The following MKLN1 variants were observed in gnomAD, a reference collection of about 807,000 sequenced individuals.
MKLN1 encodes muskelin 1, also known as muskelin.
Under a neutral mutation model 99.0 loss-of-function variants are expected in MKLN1, and 18 were observed. That is an observed-to-expected ratio of 0.18 (90% CI 0.13 to 0.27). MKLN1 has a LOEUF of 0.27. Ranked by LOEUF, MKLN1 falls within the 10% of genes least tolerant of loss-of-function variation. The pLI is 1.00. For missense variants in MKLN1, 621 were observed against 875.9 expected (o/e 0.71, Z 3.67); for synonymous variants, 288 against 293.2 (o/e 0.98, Z 0.18).
chr7:131,426,760 A>C (rs961800650), intron 8 of MKLN1, among the ~76,000 whole-genome samples: 1 of 149,856 alleles, frequency 6.7e-6, no homozygotes, highest in African/African-American at 2.5e-5. Flanking sequence ...TTTTCATGTA[A>C]CTTTTTTTTT....
chr7:131,303,086 A>C (rs554720424), intron 3 of MKLN1, among the ~76,000 whole-genome samples: 1 of 152,170 alleles, frequency 6.6e-6, no homozygotes, highest in South Asian at 2.1e-4. Flanking sequence ...CACAGCCCAG[A>C]CCAAAGTGTT....
intron 6 of MKLN1, among the ~76,000 whole-genome samples, chr7:131,408,331 CTTTT>C (rs1794769739): frequency 6.6e-6 from 1 of 151,986 alleles, no homozygotes; most frequent in African/African-American, 2.4e-5. Flanking sequence ...CTTAAAAATT[CTTTT>C]TGATCTAATC....
chr7:131,421,316 T>A (rs1225602166), intron 8 of MKLN1, among the ~76,000 whole-genome samples: 1 of 152,208 alleles, frequency 6.6e-6, no homozygotes, highest in Non-Finnish European at 1.5e-5. Context: ...GCCCTGTTAT[T>A]GATCAGCAGT....
At chr7:131,275,534 GATATATATATAT>G (rs1166104066) in intron 3 of MKLN1, among the ~76,000 whole-genome samples, 2 of 14,270 alleles carry the variant, frequency 1.4e-4, no homozygotes, top group Non-Finnish European at 3.6e-4. Flanking sequence ...ACGCCCAGCT[GATATATATATAT>G]ATATATATAT....
intron 3 of MKLN1, among the ~76,000 whole-genome samples, chr7:131,322,557 C>CT (rs574246814): frequency 9.0e-3 from 857 of 95,064 alleles, no homozygotes; most frequent in Middle Eastern, 0.018. Flanking sequence ...CTGCCAAACA[C>CT]TTTTTTTTTT....
intron 15 of MKLN1, 112 bp from the exon 16 acceptor site, chr7:131,470,729 AT>A (rs1796795671): frequency 1.4e-6 from 1 of 707,890 alleles, no homozygotes; most frequent in Non-Finnish European, 2.4e-6. Flanking sequence ...TTTTCTAAAT[AT>A]CCAGAACAAC....
chr7:131,117,629 A>G (rs1183855329), intron 1 of MKLN1, among the ~76,000 whole-genome samples: 2 of 152,240 alleles, frequency 1.3e-5, no homozygotes, highest in Admixed American at 6.5e-5. Flanking sequence ...ATTTCTTTTT[A>G]AAAGACAGTT....
chr7:131,462,890 G>T (rs1470028726), intron 12 of MKLN1, among the ~76,000 whole-genome samples: 1 of 152,166 alleles, frequency 6.6e-6, no homozygotes, highest in South Asian at 2.1e-4. Context: ...GGGAAGATGA[G>T]GCAGGAATAT....
At chr7:131,164,369 C>T (rs190067295) in intron 2 of MKLN1, among the ~76,000 whole-genome samples, 1 of 152,292 alleles carries the variant, frequency 6.6e-6, no homozygotes, top group Non-Finnish European at 1.5e-5. Context: ...CCTGCCTTGG[C>T]CTCCCAAAGT....
intron 11 of MKLN1, among the ~76,000 whole-genome samples, chr7:131,444,728 AGTAGTAGTAG>A (rs1795945752): frequency 3.6e-4 from 12 of 33,724 alleles, no homozygotes; most frequent in African/African-American, 1.2e-3. Flanking sequence ...GAGTAGTAGT[AGTAGTAGTAG>A]TAGTAGTAGT....
chr7:131,321,560 C>A (rs115771694), intron 3 of MKLN1, among the ~76,000 whole-genome samples: 2,607 of 152,216 alleles, frequency 0.017, 55 homozygotes, highest in African/African-American at 0.057. Flanking sequence ...ACATTCTGCA[C>A]ATGTATCGCA....
At chr7:131,460,163 C>T (rs754020480) in intron 12 of MKLN1, among the ~76,000 whole-genome samples, 7 of 152,150 alleles carry the variant, frequency 4.6e-5, no homozygotes, top group Non-Finnish European at 1.0e-4. Context: ...CAAGGATACT[C>T]ATAGGGTTTT....
chr7:131,421,598 A>G (rs1044013321), intron 8 of MKLN1, among the ~76,000 whole-genome samples: 1 of 152,168 alleles, frequency 6.6e-6, no homozygotes, highest in Non-Finnish European at 1.5e-5. Context: ...GAAATAATGT[A>G]TTTTGTATGT....
At position 131,269,894 on chromosome 7, in the gene MKLN1, CTT is replaced by C. The variant is rs1160357860; in HGVS notation, c.-179+66923_-179+66924del. Among the ~76,000 whole-genome samples, 7 of 150,890 alleles carry C rather than the reference CTT, an allele frequency of 4.6e-5. No homozygotes were observed. In the East Asian group the frequency reaches 1.4e-3, roughly 29 times the overall value. On this transcript the variant is annotated intron_variant, in intron 3 of 7. Coordinates refer to the MKLN1 transcript ENST00000416992. The stretch of plus-strand genomic sequence containing the variant: ...GCCATTTTTCTAGTTATGGAGGTAA[CTT>C]TTCTTTTCTTTTTCTTTTTATTTTA...
chr7:131,397,702 C>T (rs556687445), intron 5 of MKLN1, among the ~76,000 whole-genome samples: 4 of 152,140 alleles, frequency 2.6e-5, no homozygotes, highest in Non-Finnish European at 5.9e-5. Flanking sequence ...TTTGGCTCCA[C>T]AGTCTGCTTT....
At chr7:131,448,884 C>G (rs1796096784) in intron 12 of MKLN1, among the ~76,000 whole-genome samples, 1 of 152,220 alleles carries the variant, frequency 6.6e-6, no homozygotes, top group South Asian at 2.1e-4. Flanking sequence ...CTTCCTCCTT[C>G]CCTCCCCACT....
chr7:131,151,696 A>T (rs1159780500), intron 2 of MKLN1, among the ~76,000 whole-genome samples: 2 of 152,226 alleles, frequency 1.3e-5, no homozygotes, highest in Non-Finnish European at 2.9e-5. Context: ...GTATAAAAAT[A>T]TAGAATACAG....
intron 8 of MKLN1, among the ~76,000 whole-genome samples, chr7:131,422,220 C>G (rs895287328): frequency 2.0e-5 from 3 of 152,148 alleles, no homozygotes; most frequent in African/African-American, 7.2e-5. Flanking sequence ...TCTGTGGCTT[C>G]AGATAATCAA....
rs1584904562 is a variant in MKLN1 at position 131,308,545 on chromosome 7, G to A, written c.-178-66879G>A. 4.0e-5 allele frequency among the ~76,000 whole-genome samples: 6 copies of A among 151,822 alleles called. 2 individuals are homozygous for A. The highest frequency in any genetic ancestry group is 3.9e-4 in the Admixed American group (6 of 15,252). ...CAAAGTGCTGGGATTACAGGCATGG[G>A]CTACCGCGCCTGGCCTCAGGTAGGT... is the stretch of plus-strand genomic sequence containing the variant. On this transcript the variant is annotated intron_variant, in intron 3 of 7. Coordinates refer to the MKLN1 transcript ENST00000416992.
Sources: allele counts gnomAD v4.1 joint callset (sites outside exome capture counted in the v4.1 genomes callset), GRCh38; gene constraint gnomAD v4.1.1; transcripts MANE v1.5; gene names NCBI Gene and HGNC (gene_info 2026-07-23, HGNC 2026-07-21).